Variants in ZMYM2 observed in about 807,000 individuals in gnomAD.
ZMYM2 encodes zinc finger MYM-type containing 2.
In ZMYM2, 56 loss-of-function variants were observed where a neutral mutation model predicts 162.8. That is an observed-to-expected ratio of 0.34 (90% CI 0.28 to 0.43). The LOEUF (loss-of-function observed/expected upper bound fraction) is 0.43. Among genes scored for constraint, ZMYM2 ranks in the 20% least tolerant of loss-of-function variants. The pLI is 1.00. For missense variants in ZMYM2, 1,275 were observed against 1,621.8 expected (o/e 0.79, Z 3.67); for synonymous variants, 510 against 541.6 (o/e 0.94, Z 0.81).
At chr13:19,871,018 T>C in the ZMYM2 span, among the ~76,000 whole-genome samples, 130 of 151,702 alleles carry the variant, frequency 8.6e-4, 3 homozygotes, top group East Asian at 0.024. Context: ...AAAAATTAAA[T>C]GGAAAAGTAC....
At chr13:19,869,407 ATT>A in the ZMYM2 span, among the ~76,000 whole-genome samples, 1 of 152,198 alleles carries the variant, frequency 6.6e-6, no homozygotes, top group African/African-American at 2.4e-5. Flanking sequence ...ACGTTCTTAT[ATT>A]TTGTAAGAGA....
chr13:19,962,516 T>TATATATATATATATATATATATATA (rs1491235309), intron 2 of ZMYM2, among the ~76,000 whole-genome samples: 1 of 29,818 alleles, frequency 3.4e-5, no homozygotes, highest in African/African-American at 9.1e-5. Context: ...TATATATATA[T>TATATATATATATATATATATATATA]TTTTTTTTTT....
chr13:19,976,015 A>G (rs1471763090), intron 2 of ZMYM2, among the ~76,000 whole-genome samples: 1 of 151,910 alleles, frequency 6.6e-6, no homozygotes, highest in East Asian at 1.9e-4. Context: ...GAGCACCACC[A>G]CGCCTGACCT....
chr13:19,864,986 G>C, the ZMYM2 span: 1 of 152,274 alleles, frequency 6.6e-6, no homozygotes, highest in African/African-American at 2.4e-5. Flanking sequence ...TGTTAGTTTG[G>C]ATGAAAGTTG....
intron 2 of ZMYM2, among the ~76,000 whole-genome samples, chr13:19,970,479 T>C (rs766265036): frequency 1.7e-4 from 26 of 152,028 alleles, no homozygotes; most frequent in Non-Finnish European, 3.5e-4. Flanking sequence ...GAGGAAGTTA[T>C]TCTAATTTTC....
At chr13:19,881,213 A>C in the ZMYM2 span, among the ~76,000 whole-genome samples, 1 of 152,010 alleles carries the variant, frequency 6.6e-6, no homozygotes, top group Admixed American at 6.6e-5. Flanking sequence ...TGTACATATA[A>C]ATTTTCATCT....
chr13:20,032,031 C>T lies in ZMYM2; in HGVS notation c.1968+596C>T, dbSNP rs990478679. On this transcript the variant is annotated intron_variant, in intron 10 of 24. Transcript: ENST00000610343. ...GAATACGGGTGGGCACCACCATGCC[C>T]AGCTAATTTTTGTATTTTTAGTAGA... Among the ~76,000 whole-genome samples the T allele has an allele frequency of 1.3e-5, 2 of 151,894 alleles. 1 individual carries two copies. The highest frequency in any genetic ancestry group is 1.3e-4 in the Admixed American group (2 of 15,242).
At chr13:20,078,316 G>C (rs1225795033) in intron 21 of ZMYM2, among the ~76,000 whole-genome samples, 2 of 74,028 alleles carry the variant, frequency 2.7e-5, no homozygotes, top group East Asian at 1.1e-3. Flanking sequence ...ACTGATTTGA[G>C]AGACTTAGAA....
At chr13:19,903,538 T>C in the ZMYM2 span, among the ~76,000 whole-genome samples, 2 of 139,190 alleles carry the variant, frequency 1.4e-5, no homozygotes, top group African/African-American at 5.3e-5. Flanking sequence ...CTTCCAATGG[T>C]AAATTTTATG....
intron 19 of ZMYM2, chr13:20,066,596 C>T (rs146533581): frequency 2.1e-4 from 72 of 341,784 alleles, no homozygotes; most frequent in African/African-American, 1.3e-3. Context: ...TCATTGTCTT[C>T]AAGTTGAGTA....
chr13:20,067,207 T>C (rs1362231831), intron 20 of ZMYM2, 32 bp from the exon 21 acceptor site: 1 of 1,504,516 alleles, frequency 6.6e-7, no homozygotes, highest in African/African-American at 1.4e-5. Flanking sequence ...CGCTAAATAA[T>C]AACAATTATT....
chr13:20,067,981 C>T (rs1956805093), intron 21 of ZMYM2: 1 of 163,074 alleles, frequency 6.1e-6, no homozygotes, highest in South Asian at 2.0e-4. Flanking sequence ...GTTTGTAGGC[C>T]TAAAAATTCA....
rs1486453630 is a variant in ZMYM2, at chr13:20,074,544, T to C, written c.3453+7154T>C. Among the ~76,000 whole-genome samples the C allele has an allele frequency of 7.6e-5, 10 of 131,926 alleles. No individual in the cohort carries two copies. The South Asian group carries it at 1.8e-3, about 24-fold the overall frequency. 86.5% of individuals were successfully genotyped at this position (131,926 alleles called of 152,430 possible). A position where few individuals can be genotyped will look rare whatever the true frequency, so the allele number is the denominator to read the frequency against. ...GAGCCACTGTGCCCGGCTTCCTTCC[T>C]TTTTTTTTTTTTGAGACGGAGTCTT... On this transcript the variant is annotated intron_variant, in intron 21 of 24. Transcript: ENST00000610343.
intron 22 of ZMYM2, 89 bp from the exon 23 acceptor site, chr13:20,082,692 G>A: frequency 1.8e-6 from 2 of 1,134,302 alleles, no homozygotes; most frequent in Non-Finnish European, 2.4e-6. Context: ...GTATAGATTT[G>A]TCCTTAAATT....
chr13:19,986,406 C>T (rs994240437), intron 2 of ZMYM2, among the ~76,000 whole-genome samples: 4 of 151,344 alleles, frequency 2.6e-5, no homozygotes, highest in South Asian at 2.1e-4. Flanking sequence ...TTACTTTACC[C>T]AAAGACCTAT....
chr13:19,954,330 G>GTGTTAGCAAGGA (rs1555269867), upstream of ZMYM2, among the ~76,000 whole-genome samples: 1 of 150,942 alleles, frequency 6.6e-6, no homozygotes, highest in Non-Finnish European at 1.5e-5. Context: ...GGGTTTCACC[G>GTGTTAGCAAGGA]TGGTCTCGAT....
intron 6 of ZMYM2, among the ~76,000 whole-genome samples, chr13:20,017,837 T>C (rs191476039): frequency 1.7e-4 from 26 of 152,376 alleles, no homozygotes; most frequent in African/African-American, 5.5e-4. Flanking sequence ...AGCACTTTTA[T>C]GATGACTGCT....
the ZMYM2 span, among the ~76,000 whole-genome samples, chr13:19,948,743 TG>T: frequency 1.3e-5 from 2 of 152,176 alleles, no homozygotes; most frequent in African/African-American, 4.8e-5. Flanking sequence ...ACCACTCTGG[TG>T]GGGGAGTTGC....
chr13:19,883,122 GGTGA>G, the ZMYM2 span, among the ~76,000 whole-genome samples: 2 of 152,154 alleles, frequency 1.3e-5, no homozygotes, highest in Admixed American at 6.6e-5. Context: ...TCAAAAATAT[GGTGA>G]GTGAAAGAAG....
Sources: allele counts gnomAD v4.1 joint callset (sites outside exome capture counted in the v4.1 genomes callset), GRCh38; gene constraint gnomAD v4.1.1; transcripts MANE v1.5; gene names NCBI Gene and HGNC (gene_info 2026-07-23, HGNC 2026-07-21).